The following ANXA4 variants were observed in gnomAD, a reference collection of about 807,000 sequenced individuals.
ANXA4 encodes the protein 35-beta calcimedin.
ANXA4 carries 39 observed loss-of-function variants against 49.8 expected under a neutral mutation model. The observed-to-expected ratio is 0.78, with a 90% CI of 0.61 to 1.02. The LOEUF is 1.02. Among genes scored for constraint, ANXA4 ranks in the 50% least tolerant of loss-of-function variants. The pLI, the probability that ANXA4 is intolerant of heterozygous loss-of-function variation, is 0.00. For missense variants in ANXA4, 360 were observed against 410.1 expected (o/e 0.88, Z 1.05); for synonymous variants, 134 against 152.5 (o/e 0.88, Z 0.89).
intron 2 of ANXA4, among the ~76,000 whole-genome samples, chr2:69,684,559 G>A (rs1677714576): frequency 6.6e-6 from 1 of 151,456 alleles, no homozygotes; most frequent in Non-Finnish European, 1.5e-5. Flanking sequence ...GGGGTGGTGT[G>A]CACCTGTAGT....
At chr2:69,673,139 A>G (rs908196954) in intron 2 of ANXA4, among the ~76,000 whole-genome samples, 1 of 152,192 alleles carries the variant, frequency 6.6e-6, no homozygotes, top group African/African-American at 2.4e-5. Context: ...GAAAAATACC[A>G]TTTGACCCAG....
intron 11 of ANXA4, among the ~76,000 whole-genome samples, chr2:69,819,548 T>C (rs1674143032): frequency 6.6e-6 from 1 of 152,194 alleles, no homozygotes; most frequent in Non-Finnish European, 1.5e-5. Context: ...AGATTAATTA[T>C]ATCCCCACAA....
intron 1 of ANXA4, among the ~76,000 whole-genome samples, chr2:69,649,476 T>A (rs904754982): frequency 6.6e-6 from 1 of 151,596 alleles, no homozygotes; most frequent in African/African-American, 2.4e-5. Context: ...TCTCTAAAAA[T>A]ATTCTTTTAG....
chr2:69,795,915 G>A (rs571826382), intron 3 of ANXA4, among the ~76,000 whole-genome samples: 38 of 152,338 alleles, frequency 2.5e-4, no homozygotes, highest in Middle Eastern at 3.4e-3. Context: ...ACCCACCATG[G>A]TTGTGCTATG....
At chr2:69,696,526 T>C (rs1380384550) in intron 2 of ANXA4, among the ~76,000 whole-genome samples, 1 of 152,238 alleles carries the variant, frequency 6.6e-6, no homozygotes, top group Non-Finnish European at 1.5e-5. Flanking sequence ...TGCCCTTCTC[T>C]CATGAATCAT....
At chr2:69,724,815 T>C (rs1257420177) in intron 3 of ANXA4, among the ~76,000 whole-genome samples, 1 of 147,730 alleles carries the variant, frequency 6.8e-6, no homozygotes, top group Non-Finnish European at 1.5e-5. Flanking sequence ...CTGTGGTTGC[T>C]TCTTCTGCCA....
At chr2:69,646,697 A>G (rs1676020269) in intron 1 of ANXA4, among the ~76,000 whole-genome samples, 1 of 152,258 alleles carries the variant, frequency 6.6e-6, no homozygotes, top group Admixed American at 6.5e-5. Flanking sequence ...ACACATCCCT[A>G]CACTTGAAGA....
chr2:69,708,705 TG>T (rs1265940603), intron 2 of ANXA4, among the ~76,000 whole-genome samples: 1 of 152,132 alleles, frequency 6.6e-6, no homozygotes, highest in Non-Finnish European at 1.5e-5. Context: ...TCTCTGAAGA[TG>T]GTCCTCCAAC....
At chr2:69,766,566 C>T (rs1256825705) in intron 1 of ANXA4, among the ~76,000 whole-genome samples, 2 of 152,148 alleles carry the variant, frequency 1.3e-5, no homozygotes, top group East Asian at 3.9e-4. Context: ...ATGGGGTGGT[C>T]ATTGAAGGAG....
At chr2:69,665,707 C>T (rs1269452529) in intron 2 of ANXA4, among the ~76,000 whole-genome samples, 2 of 152,056 alleles carry the variant, frequency 1.3e-5, no homozygotes, top group Non-Finnish European at 2.9e-5. Flanking sequence ...GAATCCAAAG[C>T]TTGTAGACAC....
intron 2 of ANXA4, among the ~76,000 whole-genome samples, chr2:69,691,769 C>T (rs1010805579): frequency 4.6e-5 from 7 of 152,142 alleles, no homozygotes; most frequent in Admixed American, 1.3e-4. Flanking sequence ...AAGTTAGCAG[C>T]GTAGAAGCAG....
intron 11 of ANXA4, among the ~76,000 whole-genome samples, chr2:69,820,103 A>G (rs1674166729): frequency 6.6e-6 from 1 of 151,782 alleles, no homozygotes. Context: ...ACAAAACAAC[A>G]ACAACAAAAA....
At chr2:69,701,056 G>T (rs1467641224) in intron 2 of ANXA4, among the ~76,000 whole-genome samples, 1 of 152,030 alleles carries the variant, frequency 6.6e-6, no homozygotes, top group Non-Finnish European at 1.5e-5. Flanking sequence ...TGTATTTTTA[G>T]TGGAGACGGG....
At chr2:69,711,631 A>G (rs1678680806) in intron 2 of ANXA4, among the ~76,000 whole-genome samples, 1 of 152,206 alleles carries the variant, frequency 6.6e-6, no homozygotes, top group African/African-American at 2.4e-5. Context: ...ATTAAACTGA[A>G]CACTTAAGAT....
Position 69,781,300 on chromosome 2 carries a change from G to A in ANXA4, c.-46-220G>A. ...TGTGTATCTCCAAACAGAAGAACAG[G>A]TGGGAAAATATTTTACCAGTGTGAT... On this transcript the variant is annotated intron_variant, in intron 1 of 12. Coordinates refer to ENST00000394295, the MANE Select transcript of ANXA4 (RefSeq NM_001153.5). 3 of 580,006 alleles carry A rather than the reference G, an allele frequency of 5.2e-6. 1 individual carries two copies. Among genetic ancestry groups the A allele is most frequent in the South Asian group, 4.2e-5 (2 of 47,366 alleles). The allele number at this position is 580,006 out of a possible 1,614,324, so 35.9% of individuals were successfully genotyped here. A position where few individuals can be genotyped will look rare whatever the true frequency, so the allele number is the denominator to read the frequency against.
chr2:69,823,732 C>T (rs1301471176), intron 12 of ANXA4, among the ~76,000 whole-genome samples: 1 of 152,098 alleles, frequency 6.6e-6, no homozygotes, highest in Non-Finnish European at 1.5e-5. Flanking sequence ...AAACTTGAGG[C>T]TCCAGAAGAA....
chr2:69,822,062 T>C (rs944087790), intron 12 of ANXA4, among the ~76,000 whole-genome samples: 2 of 152,094 alleles, frequency 1.3e-5, no homozygotes, highest in Non-Finnish European at 1.5e-5. Flanking sequence ...CCAAACTTCT[T>C]CAAAAAGTTT....
intron 2 of ANXA4, among the ~76,000 whole-genome samples, chr2:69,660,143 T>C (rs551935855): frequency 1.3e-5 from 2 of 152,332 alleles, no homozygotes; most frequent in African/African-American, 4.8e-5. Context: ...TCTTTATATA[T>C]GCAGAAGAAA....
chr2:69,744,323 A>G (rs1187616218), intron 1 of ANXA4, among the ~76,000 whole-genome samples: 1 of 152,150 alleles, frequency 6.6e-6, no homozygotes, highest in Admixed American at 6.5e-5. Flanking sequence ...AAACAAACAA[A>G]CAAACAAAAA....
Sources: allele counts gnomAD v4.1 joint callset (sites outside exome capture counted in the v4.1 genomes callset), GRCh38; gene constraint gnomAD v4.1.1; transcripts MANE v1.5; gene names NCBI Gene and HGNC (gene_info 2026-07-23, HGNC 2026-07-21).